Variants in DOK6 observed in about 807,000 individuals in gnomAD.
DOK6 encodes downstream of tyrosine kinase 6.
A neutral mutation model predicts 44.0 loss-of-function variants in DOK6; 22 were observed. The observed-to-expected ratio is 0.50, with a 90% CI of 0.36 to 0.71. The LOEUF is 0.71. Ranked by LOEUF, DOK6 falls within the 30% of genes least tolerant of loss-of-function variation. DOK6 has a pLI of 0.00. For missense variants in DOK6, 340 were observed against 416.4 expected (o/e 0.82, Z 1.60); for synonymous variants, 166 against 145.5 (o/e 1.14, Z -1.01).
At chr18:69,587,076 A>T (rs919771756) in intron 2 of DOK6, among the ~76,000 whole-genome samples, 5 of 152,212 alleles carry the variant, frequency 3.3e-5, no homozygotes, top group Non-Finnish European at 2.9e-5. Context: ...TTTTACGTTC[A>T]TGTAATAACT....
At chr18:69,720,218 C>A (rs1327207181) in intron 5 of DOK6, among the ~76,000 whole-genome samples, 2 of 152,004 alleles carry the variant, frequency 1.3e-5, no homozygotes, top group African/African-American at 4.8e-5. Context: ...AAGCATGAAA[C>A]CATGATCTAA....
chr18:69,603,020 G>T (rs904901944), intron 3 of DOK6, among the ~76,000 whole-genome samples: 1 of 152,296 alleles, frequency 6.6e-6, no homozygotes, highest in African/African-American at 2.4e-5. Flanking sequence ...TGTTTACCTA[G>T]TGTCATGAAC....
At chr18:69,713,315 T>C (rs1470906557) in intron 5 of DOK6, among the ~76,000 whole-genome samples, 1 of 152,216 alleles carries the variant, frequency 6.6e-6, no homozygotes, top group Non-Finnish European at 1.5e-5. Flanking sequence ...TGCAGGTAGC[T>C]AAAAAGTCAG....
At chr18:69,833,349 G>A (rs956292380) in intron 7 of DOK6, among the ~76,000 whole-genome samples, 1 of 151,974 alleles carries the variant, frequency 6.6e-6, no homozygotes, top group African/African-American at 2.4e-5. Flanking sequence ...TGAGAAAACT[G>A]GTTATTTATA....
At chr18:69,408,382 A>G (rs1422890554) in intron 1 of DOK6, among the ~76,000 whole-genome samples, 2 of 152,072 alleles carry the variant, frequency 1.3e-5, no homozygotes, top group African/African-American at 4.8e-5. Context: ...GGCCACACTG[A>G]ATTGACACAA....
intron 4 of DOK6, among the ~76,000 whole-genome samples, chr18:69,690,023 GA>G (rs1010973723): frequency 6.6e-6 from 1 of 152,010 alleles, no homozygotes; most frequent in Non-Finnish European, 1.5e-5. Context: ...CAGTATAACA[GA>G]AATCTCTAAG....
At chr18:69,657,935 CTGT>C (rs1313685385) in intron 3 of DOK6, among the ~76,000 whole-genome samples, 1 of 151,594 alleles carries the variant, frequency 6.6e-6, no homozygotes, top group Non-Finnish European at 1.5e-5. Flanking sequence ...GTTGTTGTTG[CTGT>C]TGTTGTTTTT....
intron 7 of DOK6, among the ~76,000 whole-genome samples, chr18:69,817,923 G>A (rs912946191): frequency 1.3e-5 from 2 of 152,116 alleles, no homozygotes; most frequent in Non-Finnish European, 2.9e-5. Context: ...CTAGACTAAA[G>A]CAAAGGCCCA....
At chr18:69,577,683 TA>T (rs1035796562) in intron 2 of DOK6, among the ~76,000 whole-genome samples, 10 of 151,918 alleles carry the variant, frequency 6.6e-5, no homozygotes, top group Non-Finnish European at 1.0e-4. Context: ...AGAGCATCTC[TA>T]GAGAGATGTT....
At chr18:69,740,674 T>C (rs1050381196) in intron 6 of DOK6, among the ~76,000 whole-genome samples, 11 of 152,220 alleles carry the variant, frequency 7.2e-5, no homozygotes, top group Non-Finnish European at 1.0e-4. Flanking sequence ...TATTTAACTC[T>C]GGTTTTCCTT....
At chr18:69,722,338 G>T (rs977066029) in intron 5 of DOK6, among the ~76,000 whole-genome samples, 3 of 152,150 alleles carry the variant, frequency 2.0e-5, no homozygotes, top group African/African-American at 7.2e-5. Context: ...TCATTAGTGT[G>T]GGGGACATCC....
intron 7 of DOK6, among the ~76,000 whole-genome samples, chr18:69,822,776 TA>T (rs1018034428): frequency 3.3e-5 from 5 of 152,240 alleles, no homozygotes; most frequent in Admixed American, 6.5e-5. Flanking sequence ...ATTTTCTCAC[TA>T]AATCTGCATC....
chr18:69,508,048 C>T (rs78829472), intron 1 of DOK6, among the ~76,000 whole-genome samples: 1,671 of 152,140 alleles, frequency 0.011, 28 homozygotes, highest in African/African-American at 0.037. Context: ...TCCTTCTAGT[C>T]TTAGCTTCCT....
At chr18:69,651,796 C>T (rs1293775350) in intron 3 of DOK6, among the ~76,000 whole-genome samples, 5 of 151,972 alleles carry the variant, frequency 3.3e-5, no homozygotes, top group Admixed American at 1.3e-4. Context: ...CCCATCAGCC[C>T]CCTTTAATCT....
intron 5 of DOK6, among the ~76,000 whole-genome samples, chr18:69,700,593 TG>T (rs1986498153): frequency 6.6e-6 from 1 of 152,198 alleles, no homozygotes; most frequent in Non-Finnish European, 1.5e-5. Context: ...ATCTGTCCTT[TG>T]GACACAGTTC....
intron 1 of DOK6, among the ~76,000 whole-genome samples, chr18:69,550,777 C>CTTTTTTTTTTTTTT (rs10538639): frequency 4.1e-5 from 5 of 121,436 alleles, no homozygotes; most frequent in African/African-American, 9.1e-5. Context: ...TTGTTTCTTT[C>CTTTTTTTTTTTTTT]TTTTTTTTTT....
chr18:69,519,893 C>A (rs921310001), intron 1 of DOK6, among the ~76,000 whole-genome samples: 1 of 151,762 alleles, frequency 6.6e-6, no homozygotes, highest in Non-Finnish European at 1.5e-5. Flanking sequence ...AAGTCAGATA[C>A]ATTTAATAAG....
At chr18:69,663,875 G>T (rs1985590828) in intron 3 of DOK6, among the ~76,000 whole-genome samples, 1 of 152,010 alleles carries the variant, frequency 6.6e-6, no homozygotes, top group Non-Finnish European at 1.5e-5. Context: ...GCTTTAGAGG[G>T]CTCCAAACAC....
intron 1 of DOK6, among the ~76,000 whole-genome samples, chr18:69,427,711 C>T (rs1978679733): frequency 1.3e-5 from 2 of 152,152 alleles, no homozygotes; most frequent in East Asian, 1.9e-4. Context: ...AGCCTAAATG[C>T]CCATCAATGA....
Sources: allele counts gnomAD v4.1 joint callset (sites outside exome capture counted in the v4.1 genomes callset), GRCh38; gene constraint gnomAD v4.1.1; transcripts MANE v1.5; gene names NCBI Gene and HGNC (gene_info 2026-07-23, HGNC 2026-07-21).